FBXO8: variants seen among roughly 807,000 people sequenced by gnomAD.
FBXO8 encodes the protein F-box only protein 8.
FBXO8 carries 15 observed loss-of-function variants against 33.4 expected under a neutral mutation model. The ratio of observed to expected loss-of-function variants is 0.45; its 90% CI spans 0.30 to 0.69. The LOEUF is 0.69. FBXO8 is among the 30% of genes least tolerant of loss of function. The pLI is 0.08. For missense variants in FBXO8, 274 were observed against 380.3 expected (o/e 0.72, Z 2.32); for synonymous variants, 132 against 131.5 (o/e 1.00, Z -0.02).
rs1364157323 is a variant in FBXO8, at chr4:174,274,671, A to G, written c.-9+8739T>C. 6.6e-6 allele frequency among the ~76,000 whole-genome samples: 1 copy of G among 152,254 alleles called. No individual in the cohort carries two copies. The highest frequency in any genetic ancestry group is 2.4e-5 in the African/African-American group (1 of 41,464). On this transcript the variant is annotated intron_variant, in intron 1 of 5. Transcript: ENST00000393674. The surrounding 1 kb of genome is among the most constrained non-coding windows in gnomAD (Gnocchi z 4.0). ...GTTACATGAATAAACCCAGTATCAA[A>G]CACAGTGCCTTGGCATATAAAGTGC...
At chr4:174,264,874 T>A (rs1323589258) in intron 1 of FBXO8, among the ~76,000 whole-genome samples, 1 of 149,316 alleles carries the variant, frequency 6.7e-6, no homozygotes, top group Non-Finnish European at 1.5e-5. Flanking sequence ...AACACATATA[T>A]GATAAAAAGA....
rs1736947664 is a variant in FBXO8, at chr4:174,275,807, A to ATATCAAATT, written c.-9+7602_-9+7603insAATTTGATA. Among the ~76,000 whole-genome samples the ATATCAAATT allele has an allele frequency of 2.0e-5, 3 of 152,226 alleles. No homozygotes were observed. The highest frequency in any genetic ancestry group is 4.4e-5 in the Non-Finnish European group (3 of 68,032). On this transcript the variant is annotated intron_variant, in intron 1 of 5. Transcript: ENST00000393674. The surrounding 1 kb of genome is among the most constrained non-coding windows in gnomAD (Gnocchi z 4.4). Reference sequence around the variant, plus strand: ...TCTCACTTCAGGTAAATTTGAATACATATGGATCAAAAGAAGATGGAATTA... The same window carrying ATATCAAATT: ...TCTCACTTCAGGTAAATTTGAATACATATCAAATTTATGGATCAAAAGAAGATGGAATTA...
At position 174,263,435 on chromosome 4, in the gene FBXO8, C is replaced by T. The variant is rs751961838; in HGVS notation, c.-8-335G>A. On this transcript the variant is annotated intron_variant, in intron 1 of 5. Coordinates refer to ENST00000393674, the MANE Select transcript of FBXO8 (RefSeq NM_012180.3). The surrounding 1 kb of genome is among the most constrained non-coding windows in gnomAD (Gnocchi z 4.2). Reference sequence around the variant, plus strand: ...CTCTTACAAATTATAATTATGTGGACTTATGGGCCAGTATTAAATACAGCT... The same window carrying T: ...CTCTTACAAATTATAATTATGTGGATTTATGGGCCAGTATTAAATACAGCT... Among the ~76,000 whole-genome samples the T allele has an allele frequency of 4.5e-4, 68 of 152,198 alleles. 1 individual carries two copies. The highest frequency in any genetic ancestry group is 8.1e-4 in the Non-Finnish European group (55 of 68,008).
In FBXO8 at chr4:174,256,862, T is replaced by C. The variant is rs1028248562; in HGVS notation, c.456+2837A>G. Among the ~76,000 whole-genome samples, 1 of 151,826 alleles carries C rather than the reference T, an allele frequency of 6.6e-6. No homozygotes were observed. The highest frequency in any genetic ancestry group is 1.5e-5 in the Non-Finnish European group (1 of 67,958). ...GTACTACATGGCCCTTTTAGAATGA[T>C]AAATTCAGTGCCTCTGGAATGTTCC... On this transcript the variant is annotated intron_variant, in intron 3 of 5. Coordinates refer to ENST00000393674, the MANE Select transcript of FBXO8 (RefSeq NM_012180.3). This position sits in a 1 kb window ranked among gnomAD's most constrained non-coding sequence, Gnocchi z 4.6.
chr4:174,249,092 A>G (rs1345198991), intron 3 of FBXO8, among the ~76,000 whole-genome samples: 1 of 152,104 alleles, frequency 6.6e-6, no homozygotes, highest in East Asian at 1.9e-4. Context: ...AATAGCCTCA[A>G]ACAGAAAAAG....
At chr4:174,242,249 CACTT>C (rs1292629789) in intron 3 of FBXO8, among the ~76,000 whole-genome samples, 2 of 151,520 alleles carry the variant, frequency 1.3e-5, no homozygotes, top group African/African-American at 4.8e-5. Flanking sequence ...ACTTTACAAA[CACTT>C]ACATAGTACT....
intron 4 of FBXO8, among the ~76,000 whole-genome samples, chr4:174,239,442 C>T (rs927282085): frequency 1.3e-5 from 2 of 151,702 alleles, no homozygotes; most frequent in African/African-American, 4.8e-5. Flanking sequence ...AATTTTACTT[C>T]TAAAATGAAG....
intron 3 of FBXO8, among the ~76,000 whole-genome samples, chr4:174,249,327 T>C (rs371860903): frequency 6.6e-6 from 1 of 151,992 alleles, no homozygotes; most frequent in African/African-American, 2.4e-5. Flanking sequence ...AAAGAAAGCA[T>C]TCTAATCAAA....
intron 5 of FBXO8, among the ~76,000 whole-genome samples, chr4:174,238,630 CTA>C (rs1254178915): frequency 6.7e-6 from 1 of 149,732 alleles, no homozygotes; most frequent in East Asian, 1.9e-4. Flanking sequence ...TAGACACAGT[CTA>C]TGTGTATGTC....
chr4:174,270,196 C>T lies in FBXO8; in HGVS notation c.-8-7096G>A, dbSNP rs1736804829. Among the ~76,000 whole-genome samples the T allele has an allele frequency of 6.6e-6, 1 of 152,168 alleles. No homozygotes were observed. Among genetic ancestry groups the T allele is most frequent in the Admixed American group, 6.5e-5 (1 of 15,282 alleles). On this transcript the variant is annotated intron_variant, in intron 1 of 5. Transcript: ENST00000393674. This position sits in a 1 kb window ranked among gnomAD's most constrained non-coding sequence, Gnocchi z 4.6. ...GACAGAGCTATTTTATTAAATTAAT[C>T]TCATGTATAAGAATTTCATATTTTG...
Position 174,253,678 on chromosome 4 carries a change from G to A in FBXO8, c.456+6021C>T, listed in dbSNP as rs1736349702. ...CCTAGCTGCAGTTGTTGAATTATAA[G>A]TCTAAGCCAATCATGTAATCTTTCT... On this transcript the variant is annotated intron_variant, in intron 3 of 5. Coordinates refer to ENST00000393674, the MANE Select transcript of FBXO8 (RefSeq NM_012180.3). This position sits in a 1 kb window ranked among gnomAD's most constrained non-coding sequence, Gnocchi z 4.5. Among the ~76,000 whole-genome samples, 1 of 152,192 alleles carries A rather than the reference G, an allele frequency of 6.6e-6. No individual in the cohort carries two copies. Among genetic ancestry groups the A allele is most frequent in the Admixed American group, 6.6e-5 (1 of 15,264 alleles).
Position 174,257,425 on chromosome 4 carries a change from T to C in FBXO8, c.456+2274A>G, listed in dbSNP as rs1736441848. ...TACTTACCAGGTTACATTTCTCTTATAATGTAACATTTGAAAGTGATATGA... is the reference window on the plus strand; with the variant it reads ...TACTTACCAGGTTACATTTCTCTTACAATGTAACATTTGAAAGTGATATGA... On this transcript the variant is annotated intron_variant, in intron 3 of 5. Coordinates refer to ENST00000393674, the MANE Select transcript of FBXO8 (RefSeq NM_012180.3). This position sits in a 1 kb window ranked among gnomAD's most constrained non-coding sequence, Gnocchi z 4.3. Among the ~76,000 whole-genome samples, 1 of 152,124 alleles carries C rather than the reference T, an allele frequency of 6.6e-6. No homozygotes were observed. The highest frequency in any genetic ancestry group is 1.5e-5 in the Non-Finnish European group (1 of 68,006).
chr4:174,274,900 A>G lies in FBXO8; in HGVS notation c.-9+8510T>C, dbSNP rs568607393. On this transcript the variant is annotated intron_variant, in intron 1 of 5. Transcript: ENST00000393674. This position sits in a 1 kb window ranked among gnomAD's most constrained non-coding sequence, Gnocchi z 4.0. ...CTTTGGGGTCTAAGGCTAGGCCAAG[A>G]ATTCCCAGACTTATATCAAAAGGAT... Among the ~76,000 whole-genome samples the G allele has an allele frequency of 1.1e-4, 16 of 152,230 alleles. No homozygotes were observed. Among genetic ancestry groups the G allele is most frequent in the Non-Finnish European group, 2.2e-4 (15 of 68,042 alleles).
rs940059533 is a variant in FBXO8, at chr4:174,252,130, G to A, written c.456+7569C>T. Among the ~76,000 whole-genome samples the A allele has an allele frequency of 2.6e-5, 4 of 151,868 alleles. No individual in the cohort carries two copies. The highest frequency in any genetic ancestry group is 6.6e-5 in the Admixed American group (1 of 15,238). ...ACTCCAGACACATGCTATCATACCC[G>A]GTTAATTTCTGTATTTTTTGTAGAG... On this transcript the variant is annotated intron_variant, in intron 3 of 5. Coordinates refer to ENST00000393674, the MANE Select transcript of FBXO8 (RefSeq NM_012180.3). This position sits in a 1 kb window ranked among gnomAD's most constrained non-coding sequence, Gnocchi z 5.1.
At position 174,255,292 on chromosome 4, in the gene FBXO8, T is replaced by C. The variant is rs1220478524; in HGVS notation, c.456+4407A>G. Reference sequence around the variant, plus strand: ...TGGTAATGACGATTTTGTTGTTGAATACTGGAGCAAAAAGTCATTAACATA... The same window carrying C: ...TGGTAATGACGATTTTGTTGTTGAACACTGGAGCAAAAAGTCATTAACATA... On this transcript the variant is annotated intron_variant, in intron 3 of 5. Coordinates refer to ENST00000393674, the MANE Select transcript of FBXO8 (RefSeq NM_012180.3). This position sits in a 1 kb window ranked among gnomAD's most constrained non-coding sequence, Gnocchi z 4.3. Among the ~76,000 whole-genome samples the C allele has an allele frequency of 1.3e-5, 2 of 152,186 alleles. No homozygotes were observed. Among genetic ancestry groups the C allele is most frequent in the East Asian group, 3.9e-4 (2 of 5,194 alleles).
chr4:174,280,820 G>A (rs539262785), intron 1 of FBXO8, among the ~76,000 whole-genome samples: 67 of 152,204 alleles, frequency 4.4e-4, no homozygotes, highest in African/African-American at 1.5e-3. Context: ...AAACACTTCC[G>A]GTTTCCAAAA....
chr4:174,249,008 C>A (rs1386984250), intron 3 of FBXO8, among the ~76,000 whole-genome samples: 1 of 151,902 alleles, frequency 6.6e-6, no homozygotes, highest in African/African-American at 2.4e-5. Flanking sequence ...AGAGAAAAAG[C>A]AATGGCAAAC....
At chr4:174,279,379 A>C (rs1431907812) in intron 1 of FBXO8, among the ~76,000 whole-genome samples, 1 of 152,146 alleles carries the variant, frequency 6.6e-6, no homozygotes, top group African/African-American at 2.4e-5. Flanking sequence ...AATAAATGGA[A>C]GTACATCCTG....
intron 1 of FBXO8, among the ~76,000 whole-genome samples, chr4:174,279,643 A>G (rs1439753188): frequency 6.6e-6 from 1 of 152,164 alleles, no homozygotes; most frequent in East Asian, 1.9e-4. Context: ...TATTGGCATA[A>G]AAAGAGACAT....
Sources: gnomAD v4.1 joint callset for allele counts (sites outside exome capture counted in the v4.1 genomes callset) on GRCh38, gnomAD v4.1.1 for gene constraint, Gnocchi (gnomAD v3.1) non-coding constraint, MANE v1.5 for transcripts, NCBI Gene and HGNC (gene_info 2026-07-23, HGNC 2026-07-21) for gene names.